Variants in LSAMP observed in about 807,000 individuals in gnomAD.
LSAMP encodes the protein limbic system-associated membrane protein.
LSAMP carries 7 observed loss-of-function variants against 38.6 expected under a neutral mutation model. That is an observed-to-expected ratio of 0.18 (90% CI 0.10 to 0.34). LSAMP has a LOEUF of 0.34. LSAMP is among the 10% of genes least tolerant of loss of function. The pLI is 1.00. For missense variants in LSAMP, 313 were observed against 420.0 expected (o/e 0.75, Z 2.23); for synonymous variants, 154 against 166.8 (o/e 0.92, Z 0.59).
chr3:116,328,521 T>G (rs2047805157), intron 1 of LSAMP, among the ~76,000 whole-genome samples: 1 of 152,228 alleles, frequency 6.6e-6, no homozygotes, highest in African/African-American at 2.4e-5. Context: ...CTAATATGCT[T>G]CCATAATCAT....
chr3:116,416,702 C>T (rs529107858), intron 1 of LSAMP, among the ~76,000 whole-genome samples: 13 of 152,084 alleles, frequency 8.5e-5, no homozygotes, highest in Admixed American at 1.3e-4. Context: ...TTTCTGCTCC[C>T]GTACACATGG....
chr3:116,000,445 C>T (rs1939957613), intron 3 of LSAMP, among the ~76,000 whole-genome samples: 1 of 152,184 alleles, frequency 6.6e-6, no homozygotes, highest in African/African-American at 2.4e-5. Flanking sequence ...CATGAATCAG[C>T]AGCTGTACCT....
intron 3 of LSAMP, among the ~76,000 whole-genome samples, chr3:115,863,459 T>C (rs1167820957): frequency 6.6e-6 from 1 of 152,076 alleles, no homozygotes; most frequent in Non-Finnish European, 1.5e-5. Context: ...TTTTTATCTA[T>C]TGAATTGGAA....
chr3:115,989,744 C>G (rs1347167526), intron 3 of LSAMP, among the ~76,000 whole-genome samples: 1 of 152,040 alleles, frequency 6.6e-6, no homozygotes, highest in African/African-American at 2.4e-5. Flanking sequence ...TTATTGTCCT[C>G]AATTCTTAGA....
At chr3:116,292,767 C>T (rs2047284726) in intron 1 of LSAMP, among the ~76,000 whole-genome samples, 1 of 152,188 alleles carries the variant, frequency 6.6e-6, no homozygotes, top group African/African-American at 2.4e-5. Flanking sequence ...ATAACTGAAG[C>T]TCGCAAGGTT....
At chr3:116,014,488 A>G (rs1217251298) in intron 3 of LSAMP, among the ~76,000 whole-genome samples, 4 of 152,220 alleles carry the variant, frequency 2.6e-5, no homozygotes, top group Non-Finnish European at 4.4e-5. Context: ...AAATAAAAAT[A>G]TTGAAAAATA....
chr3:115,948,259 C>T (rs149940942), intron 3 of LSAMP, among the ~76,000 whole-genome samples: 27 of 152,276 alleles, frequency 1.8e-4, no homozygotes, highest in East Asian at 1.4e-3. Context: ...ATTTCTGCCT[C>T]CCTTCTTCTC....
chr3:116,159,013 G>T (rs1319556621), intron 1 of LSAMP, among the ~76,000 whole-genome samples: 1 of 152,074 alleles, frequency 6.6e-6, no homozygotes, highest in Non-Finnish European at 1.5e-5. Context: ...ATGGGTAAAG[G>T]AATCCCTATC....
intron 3 of LSAMP, among the ~76,000 whole-genome samples, chr3:115,984,856 T>A (rs1192080608): frequency 6.6e-6 from 1 of 152,148 alleles, no homozygotes; most frequent in African/African-American, 2.4e-5. Flanking sequence ...GGACATGTAA[T>A]CCTAGGTAAA....
At chr3:115,936,444 A>G (rs1937704829) in intron 3 of LSAMP, among the ~76,000 whole-genome samples, 1 of 152,192 alleles carries the variant, frequency 6.6e-6, no homozygotes, top group Non-Finnish European at 1.5e-5. Flanking sequence ...TTATTAATCC[A>G]TTCTGAAAAT....
At chr3:116,312,556 A>G (rs929974412) in intron 1 of LSAMP, among the ~76,000 whole-genome samples, 5 of 151,218 alleles carry the variant, frequency 3.3e-5, no homozygotes, top group Non-Finnish European at 7.4e-5. Context: ...TTTCTTTTGT[A>G]TTTTTTTTCT....
At chr3:116,037,178 ACAATTCTATATTTGG>A (rs1941065875) in intron 2 of LSAMP, among the ~76,000 whole-genome samples, 1 of 152,214 alleles carries the variant, frequency 6.6e-6, no homozygotes, top group Non-Finnish European at 1.5e-5. Context: ...CCATAGTGAA[ACAATTCTATATTTGG>A]CATTTTGCAG....
rs772559811 is a variant in LSAMP at position 116,155,622 on chromosome 3, GGT to G, written c.156-69068_156-69067del. Among the ~76,000 whole-genome samples, 700 of 123,896 alleles carry G rather than the reference GGT, an allele frequency of 5.6e-3. 2 individuals carry two copies. Among genetic ancestry groups the G allele is most frequent in the Non-Finnish European group, 7.0e-3 (391 of 55,530 alleles). 81.3% of individuals were successfully genotyped at this position (123,896 alleles called of 152,430 possible). On this transcript the variant is annotated intron_variant, in intron 1 of 6. Coordinates refer to ENST00000490035, the MANE Select transcript of LSAMP (RefSeq NM_002338.5). Reference sequence around the variant, plus strand: ...GTATTTAATGTGATGTATACAAGAGGGTGTGTGTGTGTGTATATGTGTGTGTG... The same window carrying G: ...GTATTTAATGTGATGTATACAAGAGGGTGTGTGTGTGTATATGTGTGTGTG...
chr3:115,879,294 A>C (rs1260922977), intron 3 of LSAMP, among the ~76,000 whole-genome samples: 1 of 152,190 alleles, frequency 6.6e-6, no homozygotes, highest in African/African-American at 2.4e-5. Context: ...TGTCAATTTC[A>C]AATTACCCAA....
At position 116,281,188 on chromosome 3, in the gene LSAMP, G is replaced by A. The variant is rs553619946; in HGVS notation, c.155+163689C>T. Among the ~76,000 whole-genome samples, 17 of 152,238 alleles carry A rather than the reference G, an allele frequency of 1.1e-4. No individual in the cohort carries two copies. In the South Asian group the frequency reaches 3.5e-3, roughly 32 times the overall value. On this transcript the variant is annotated intron_variant, in intron 1 of 6. Coordinates refer to ENST00000490035, the MANE Select transcript of LSAMP (RefSeq NM_002338.5). ...GATATTTGTGAAGGAGAATTTTGAGGGTGTTTGAAGAGGGGAAAAGAAGGA... is the reference window on the plus strand; with the variant it reads ...GATATTTGTGAAGGAGAATTTTGAGAGTGTTTGAAGAGGGGAAAAGAAGGA...
chr3:116,408,726 A>G (rs17704285), intron 1 of LSAMP, among the ~76,000 whole-genome samples: 4,579 of 152,184 alleles, frequency 0.03, 92 homozygotes, highest in South Asian at 0.088. Context: ...TCTAACTCCA[A>G]AGTCAATGCT....
rs756485216 is a variant in LSAMP, at chr3:115,841,957, C to A, written c.807G>T (p.Thr269=). Residue 269 remains threonine (T), a synonymous_variant, in exon 6 of 7, where the codon ACG becomes ACT. Coordinates refer to ENST00000490035, the MANE Select transcript of LSAMP (RefSeq NM_002338.5). The part of the protein sequence containing the change: ...NSANGLEIKS[T]EGQSSLTVTN... Reference sequence around the variant, plus strand: ...TCACCGTCAGGGAAGACTGGCCCTCCGTGCTCTTAATCTCAAGGCCATTGG... The same window carrying A: ...TCACCGTCAGGGAAGACTGGCCCTCAGTGCTCTTAATCTCAAGGCCATTGG... The A allele has an allele frequency of 6.2e-7, 1 of 1,613,540 alleles. No homozygotes were observed. The highest frequency in any genetic ancestry group is 8.5e-7 in the Non-Finnish European group (1 of 1,179,994).
At chr3:116,187,101 A>G (rs1411684910) in intron 1 of LSAMP, among the ~76,000 whole-genome samples, 1 of 151,940 alleles carries the variant, frequency 6.6e-6, no homozygotes, top group African/African-American at 2.4e-5. Context: ...AATGTTTTCA[A>G]CCCCTTTATC....
intron 1 of LSAMP, among the ~76,000 whole-genome samples, chr3:116,183,760 G>T (rs1202664321): frequency 6.6e-6 from 1 of 151,876 alleles, no homozygotes; most frequent in South Asian, 2.1e-4. Flanking sequence ...AAGAGGCAAA[G>T]ATTACATTTA....
Sources: allele counts gnomAD v4.1 joint callset (sites outside exome capture counted in the v4.1 genomes callset), GRCh38; gene constraint gnomAD v4.1.1; transcripts MANE v1.5; gene names NCBI Gene and HGNC (gene_info 2026-07-23, HGNC 2026-07-21).